C8orf34: variants seen among roughly 807,000 people sequenced by gnomAD.
The protein encoded by C8orf34 is uncharacterized protein C8orf34.
C8orf34 carries 65 observed loss-of-function variants against 68.3 expected under a neutral mutation model. That is an observed-to-expected ratio of 0.95 (90% CI 0.78 to 1.17). C8orf34 has a LOEUF of 1.17. C8orf34 is among the 50% of genes most tolerant of loss of function. C8orf34 has a pLI of 0.00. For synonymous variants in C8orf34, 244 were observed against 241.2 expected (o/e 1.01, Z -0.11); for missense variants, 664 against 655.4 (o/e 1.01, Z -0.14).
intron 10 of C8orf34, among the ~76,000 whole-genome samples, chr8:68,753,425 T>A (rs1176346614): frequency 2.0e-5 from 3 of 152,310 alleles, no homozygotes; most frequent in Non-Finnish European, 2.9e-5. Context: ...CTAAATGCAC[T>A]AAGATGAAAA....
intron 9 of C8orf34, among the ~76,000 whole-genome samples, chr8:68,711,823 G>C (rs1821336542): frequency 6.6e-6 from 1 of 152,058 alleles, no homozygotes; most frequent in African/African-American, 2.4e-5. Context: ...CCGAATACAA[G>C]AAGCTCAAAG....
intron 8 of C8orf34, among the ~76,000 whole-genome samples, chr8:68,658,756 C>A (rs934241462): frequency 6.6e-6 from 1 of 152,012 alleles, no homozygotes; most frequent in Non-Finnish European, 1.5e-5. Context: ...ACCAAATTAT[C>A]CCTTTATGTC....
intron 7 of C8orf34, among the ~76,000 whole-genome samples, chr8:68,612,321 C>T (rs1359399523): frequency 1.3e-5 from 2 of 152,028 alleles, no homozygotes; most frequent in Non-Finnish European, 2.9e-5. Context: ...TATGGGCAAG[C>T]TGAGACTCTG....
intron 3 of C8orf34, among the ~76,000 whole-genome samples, chr8:68,456,183 G>A (rs950597130): frequency 6.6e-6 from 1 of 151,696 alleles, no homozygotes; most frequent in Non-Finnish European, 1.5e-5. Flanking sequence ...TTGAACCCAG[G>A]AGGCAGAACT....
In C8orf34 at chr8:68,560,532, G is replaced by A. The variant is rs562375992; in HGVS notation, c.1105+27383G>A. On this transcript the variant is annotated intron_variant, in intron 7 of 13. Coordinates refer to ENST00000518698, the MANE Select transcript of C8orf34 (RefSeq NM_052958.4). ...ATTTAGTCTTTGTGTGAACATCATAGAGTGTACTTACACGAACCTAGACGG... is the reference window on the plus strand; with the variant it reads ...ATTTAGTCTTTGTGTGAACATCATAAAGTGTACTTACACGAACCTAGACGG... 2.0e-5 allele frequency among the ~76,000 whole-genome samples: 3 copies of A among 152,256 alleles called. No homozygotes were observed. The South Asian group carries it at 6.2e-4, about 32-fold the overall frequency.
intron 12 of C8orf34, among the ~76,000 whole-genome samples, chr8:68,811,606 A>G (rs917554871): frequency 6.6e-6 from 1 of 152,218 alleles, no homozygotes; most frequent in African/African-American, 2.4e-5. Flanking sequence ...TAGATCCGCC[A>G]AATCTCTTTT....
chr8:68,656,635 G>T (rs1819517966), intron 8 of C8orf34, among the ~76,000 whole-genome samples: 1 of 152,058 alleles, frequency 6.6e-6, no homozygotes, highest in Non-Finnish European at 1.5e-5. Flanking sequence ...CTTTCTTATA[G>T]GTTCCAGTTG....
intron 8 of C8orf34, among the ~76,000 whole-genome samples, chr8:68,645,540 G>A (rs1465807429): frequency 6.6e-6 from 1 of 152,264 alleles, no homozygotes; most frequent in South Asian, 2.1e-4. Flanking sequence ...AACGTGTGAA[G>A]TGGCAATGTT....
chr8:68,753,509 G>A (rs1040777080), intron 10 of C8orf34, among the ~76,000 whole-genome samples: 2 of 152,152 alleles, frequency 1.3e-5, no homozygotes, highest in African/African-American at 4.8e-5. Flanking sequence ...TCCATAGATT[G>A]GAAGAGTTAG....
At chr8:68,340,741 A>G (rs1401744930) in intron 1 of C8orf34, among the ~76,000 whole-genome samples, 2 of 152,202 alleles carry the variant, frequency 1.3e-5, no homozygotes, top group African/African-American at 2.4e-5. Context: ...AATAATCAAT[A>G]CTAATTCTAT....
intron 8 of C8orf34, among the ~76,000 whole-genome samples, chr8:68,688,692 G>T (rs1432756885): frequency 6.6e-6 from 1 of 152,090 alleles, no homozygotes; most frequent in Non-Finnish European, 1.5e-5. Flanking sequence ...CAGGGACATA[G>T]ATGAAGCTGG....
intron 5 of C8orf34, among the ~76,000 whole-genome samples, chr8:68,502,081 C>T (rs1187888257): frequency 2.0e-5 from 3 of 151,960 alleles, no homozygotes; most frequent in Non-Finnish European, 4.4e-5. Flanking sequence ...ATTGTTTATT[C>T]GTTTTTTGAC....
In C8orf34 at chr8:68,577,209, C is replaced by T. The variant is rs147911140; in HGVS notation, c.1105+44060C>T. ...AGAAAAAATAAGAAATACAGACTCT[C>T]GAGCCCCACCCAAACACATTGAACC... On this transcript the variant is annotated intron_variant, in intron 7 of 13. Coordinates refer to ENST00000518698, the MANE Select transcript of C8orf34 (RefSeq NM_052958.4). 2.9e-3 allele frequency among the ~76,000 whole-genome samples: 442 copies of T among 152,006 alleles called. 6 individuals carry two copies. Among genetic ancestry groups the T allele is most frequent in the East Asian group, 0.028 (145 of 5,168 alleles).
intron 8 of C8orf34, among the ~76,000 whole-genome samples, chr8:68,650,445 G>A (rs193273421): frequency 2.7e-4 from 41 of 151,716 alleles, no homozygotes; most frequent in African/African-American, 9.9e-4. Context: ...CATTTGCATC[G>A]AGCGGGAAAA....
chr8:68,742,608 T>C (rs886626420), intron 10 of C8orf34, among the ~76,000 whole-genome samples: 1 of 152,226 alleles, frequency 6.6e-6, no homozygotes, highest in Non-Finnish European at 1.5e-5. Context: ...CTTTCGACTT[T>C]CCTGCAGGCT....
At chr8:68,531,845 A>G (rs1263067855) in intron 6 of C8orf34, among the ~76,000 whole-genome samples, 1 of 152,110 alleles carries the variant, frequency 6.6e-6, no homozygotes, top group Non-Finnish European at 1.5e-5. Flanking sequence ...CTGGAGGAAC[A>G]GCTTAGCAGC....
intron 8 of C8orf34, among the ~76,000 whole-genome samples, chr8:68,673,959 G>A (rs1483616207): frequency 6.6e-6 from 1 of 152,178 alleles, no homozygotes; most frequent in Non-Finnish European, 1.5e-5. Flanking sequence ...TTGTTTGGGA[G>A]AAATTAAGGG....
chr8:68,371,695 G>A (rs111322642), intron 1 of C8orf34, among the ~76,000 whole-genome samples: 97 of 151,476 alleles, frequency 6.4e-4, no homozygotes, highest in African/African-American at 9.0e-4. Flanking sequence ...TGCCTCCTGC[G>A]TTCAAGCTAT....
At chr8:68,624,993 A>G (rs545752293) in intron 7 of C8orf34, among the ~76,000 whole-genome samples, 3 of 152,268 alleles carry the variant, frequency 2.0e-5, no homozygotes, top group African/African-American at 7.2e-5. Flanking sequence ...ACAATGAACA[A>G]TAAATTTATA....
Sources: allele counts gnomAD v4.1 joint callset (sites outside exome capture counted in the v4.1 genomes callset), GRCh38; gene constraint gnomAD v4.1.1; transcripts MANE v1.5; gene names NCBI Gene and HGNC (gene_info 2026-07-23, HGNC 2026-07-21).